Variants in PCBD2 observed in about 807,000 individuals in gnomAD.
PCBD2 encodes the protein pterin-4-alpha-carbinolamine dehydratase 2.
In PCBD2, 12 loss-of-function variants were observed where a neutral mutation model predicts 16.4. The ratio of observed to expected loss-of-function variants is 0.73; its 90% CI spans 0.47 to 1.19. The LOEUF (loss-of-function observed/expected upper bound fraction) is 1.19. Among genes scored for constraint, PCBD2 ranks in the 50% most tolerant of loss-of-function variants. The probability of loss-of-function intolerance (pLI) is 0.00; values close to 1 mark genes in which losing one functional copy is unlikely to be tolerated. For missense variants in PCBD2, 138 were observed against 156.8 expected (o/e 0.88, Z 0.64); for synonymous variants, 58 against 61.8 (o/e 0.94, Z 0.29).
At chr5:134,947,424 C>T (rs1267021601) in intron 2 of PCBD2, among the ~76,000 whole-genome samples, 33 of 118,174 alleles carry the variant, frequency 2.8e-4, no homozygotes, top group Non-Finnish European at 5.3e-4. Context: ...GACGGAGTCT[C>T]GCTCTGTCAC....
chr5:134,942,196 G>GAA (rs112153571), intron 2 of PCBD2, among the ~76,000 whole-genome samples: 1 of 140,984 alleles, frequency 7.1e-6, no homozygotes, highest in Non-Finnish European at 1.6e-5. Context: ...TTAAGTAAAA[G>GAA]AAAAAAAAAA....
intron 3 of PCBD2, among the ~76,000 whole-genome samples, chr5:134,959,707 A>G (rs1035423041): frequency 1.3e-5 from 2 of 152,130 alleles, no homozygotes; most frequent in African/African-American, 4.8e-5. Context: ...TTGAAAAAAG[A>G]GAATTTCACA....
intron 1 of PCBD2, among the ~76,000 whole-genome samples, chr5:134,908,231 GTT>G (rs80277203): frequency 8.5e-4 from 98 of 115,320 alleles, no homozygotes; most frequent in African/African-American, 2.4e-3. Context: ...CCTAGTAAAT[GTT>G]TTTTTTTTTT....
chr5:134,906,836 AAGTT>A lies in PCBD2; in HGVS notation c.84+1616_84+1619del, dbSNP rs533925682. Among the ~76,000 whole-genome samples the A allele has an allele frequency of 3.3e-5, 5 of 152,308 alleles. 1 individual carries two copies. In the South Asian group the frequency reaches 1.0e-3, roughly 32 times the overall value. Reference sequence around the variant, plus strand: ...TAGTATCCCACAGCTAAAAGTAACAAAGTTAGGCCTTAGATCTAGTTTACTCTCT... The same window carrying A: ...TAGTATCCCACAGCTAAAAGTAACAAAGGCCTTAGATCTAGTTTACTCTCT... On this transcript the variant is annotated intron_variant, in intron 1 of 3. Transcript: ENST00000254908.
In PCBD2 at chr5:134,949,460, A is replaced by G. The variant is rs78572404; in HGVS notation, c.217-9580A>G. ...AATTAGCTCCTTTTACGTATGGGGA[A>G]ACTGAAACTCGTTTCAAAAGTTAAG... On this transcript the variant is annotated intron_variant, in intron 2 of 3. Coordinates refer to ENST00000254908, the MANE Select transcript of PCBD2 (RefSeq NM_032151.5). Among the ~76,000 whole-genome samples, 43 of 152,278 alleles carry G rather than the reference A, an allele frequency of 2.8e-4. No individual in the cohort carries two copies. In the East Asian group the frequency reaches 8.1e-3, roughly 29 times the overall value.
intron 2 of PCBD2, among the ~76,000 whole-genome samples, chr5:134,921,935 T>G (rs1277896725): frequency 6.6e-6 from 1 of 152,218 alleles, no homozygotes; most frequent in Admixed American, 6.5e-5. Flanking sequence ...CCAATTATAT[T>G]TTATAGGGCA....
intron 2 of PCBD2, among the ~76,000 whole-genome samples, chr5:134,911,635 A>G (rs1750769816): frequency 6.6e-6 from 1 of 152,206 alleles, no homozygotes; most frequent in Non-Finnish European, 1.5e-5. Context: ...GCTAGTTTCT[A>G]GAAGGGTGTG....
rs181123735 is a variant in PCBD2 at position 134,954,094 on chromosome 5, A to G, written c.217-4946A>G. ...AACCTCAACCTCCTGAGTAGCTAGG[A>G]CTACAGGTGCATGCCACCATGCCCA... On this transcript the variant is annotated intron_variant, in intron 2 of 3. Coordinates refer to ENST00000254908, the MANE Select transcript of PCBD2 (RefSeq NM_032151.5). 5.7e-4 allele frequency among the ~76,000 whole-genome samples: 87 copies of G among 152,198 alleles called. 1 individual carries two copies. The East Asian group carries it at 0.017, about 29-fold the overall frequency.
In PCBD2 at chr5:134,906,953, G is replaced by A. The variant is rs539743982; in HGVS notation, c.84+1730G>A. Among the ~76,000 whole-genome samples the A allele has an allele frequency of 7.9e-4, 121 of 152,334 alleles. 1 individual carries two copies. The highest frequency in any genetic ancestry group is 2.9e-3 in the African/African-American group (119 of 41,572). On this transcript the variant is annotated intron_variant, in intron 1 of 3. Coordinates refer to ENST00000254908, the MANE Select transcript of PCBD2 (RefSeq NM_032151.5). ...TGAATGTGCCCTCATGGGGGCCTTT[G>A]ATGTTATGTAGATGAAGTGGCTCCA...
chr5:134,906,194 A>ATTT (rs1158334317), intron 1 of PCBD2, among the ~76,000 whole-genome samples: 1,063 of 66,506 alleles, frequency 0.016, 165 homozygotes, highest in African/African-American at 0.046. Context: ...TAATAGAAGA[A>ATTT]TTTTTTTTTT....
chr5:134,907,382 T>C (rs1750708410), intron 1 of PCBD2, among the ~76,000 whole-genome samples: 1 of 152,172 alleles, frequency 6.6e-6, no homozygotes, highest in Admixed American at 6.5e-5. Context: ...TAGCTGAGAC[T>C]ATAGGCGCGT....
intron 2 of PCBD2, among the ~76,000 whole-genome samples, chr5:134,942,793 A>G (rs1229245291): frequency 1.3e-5 from 2 of 152,110 alleles, no homozygotes; most frequent in Admixed American, 6.6e-5. Flanking sequence ...CTAGATGGGA[A>G]ATGCAGCCCA....
At chr5:134,933,228 A>G (rs1185253986) in intron 2 of PCBD2, among the ~76,000 whole-genome samples, 1 of 152,044 alleles carries the variant, frequency 6.6e-6, no homozygotes, top group Non-Finnish European at 1.5e-5. Flanking sequence ...AAAATATTTT[A>G]CCTCATGATT....
chr5:134,938,740 C>T (rs1751190563), intron 2 of PCBD2, among the ~76,000 whole-genome samples: 1 of 152,236 alleles, frequency 6.6e-6, no homozygotes, highest in East Asian at 1.9e-4. Flanking sequence ...AAAATATATA[C>T]TTAGAATACT....
At chr5:134,923,833 C>T (rs1750941255) in intron 2 of PCBD2, 4 of 393,842 alleles carry the variant, frequency 1.0e-5, no homozygotes, top group South Asian at 1.3e-4. Flanking sequence ...CCATAATTTA[C>T]GTCTCGGGTG....
At chr5:134,958,813 G>A (rs979792900) in intron 2 of PCBD2, among the ~76,000 whole-genome samples, 2 of 152,170 alleles carry the variant, frequency 1.3e-5, no homozygotes, top group East Asian at 3.9e-4. Flanking sequence ...CCAATTTCCT[G>A]GTTTGTTTAC....
chr5:134,918,341 C>T (rs1370323329), intron 2 of PCBD2, among the ~76,000 whole-genome samples: 1 of 152,016 alleles, frequency 6.6e-6, no homozygotes, highest in Non-Finnish European at 1.5e-5. Context: ...CCCTTCTCTA[C>T]TAAAAATACA....
chr5:134,923,644 C>A (rs866949385), intron 2 of PCBD2: 41 of 372,008 alleles, frequency 1.1e-4, no homozygotes, highest in African/African-American at 8.1e-4. Context: ...GATATTTGGC[C>A]TCATGGGAGG....
Position 134,962,107 on chromosome 5 carries a change from T to TG in PCBD2, c.*1426_*1427insG, listed in dbSNP as rs1561454491. Among the ~76,000 whole-genome samples, 5 of 150,532 alleles carry TG rather than the reference T, an allele frequency of 3.3e-5. No individual in the cohort carries two copies. Among genetic ancestry groups the TG allele is most frequent in the African/African-American group, 4.9e-5 (2 of 41,118 alleles). On this transcript the variant is annotated 3_prime_UTR_variant, in exon 4 of 4. Transcript: ENST00000254908. ...GTGTGTGTGTGTGTGTGTGTGTGTG[T>TG]TTGACACGGGGTCTCATTCTGTTGC...
Sources: gnomAD v4.1 joint callset for allele counts (sites outside exome capture counted in the v4.1 genomes callset) on GRCh38, gnomAD v4.1.1 for gene constraint, MANE v1.5 for transcripts, NCBI Gene and HGNC (gene_info 2026-07-23, HGNC 2026-07-21) for gene names.